Variants in HELLS observed in about 807,000 individuals in gnomAD.
HELLS encodes helicase, lymphoid specific, also known as lymphoid-specific helicase.
Under a neutral mutation model 120.0 loss-of-function variants are expected in HELLS, and 32 were observed. That is an observed-to-expected ratio of 0.27 (90% CI 0.20 to 0.36). HELLS has a LOEUF of 0.36. Among genes scored for constraint, HELLS ranks in the 10% least tolerant of loss-of-function variants. HELLS has a pLI of 1.00. For missense variants in HELLS, 650 were observed against 993.4 expected (o/e 0.65, Z 4.65); for synonymous variants, 341 against 323.4 (o/e 1.05, Z -0.58).
chr10:94,571,927 G>A (rs113637365), intron 7 of HELLS, among the ~76,000 whole-genome samples: 142 of 152,244 alleles, frequency 9.3e-4, no homozygotes, highest in African/African-American at 3.3e-3. Flanking sequence ...TTACAAGGTT[G>A]CCTAGGGAAG....
chr10:94,562,141 C>T (rs985267857), intron 4 of HELLS, among the ~76,000 whole-genome samples: 28 of 151,610 alleles, frequency 1.8e-4, no homozygotes, highest in African/African-American at 5.1e-4. Flanking sequence ...AGTGGCTCAA[C>T]GCCTGTAATC....
intron 9 of HELLS, among the ~76,000 whole-genome samples, chr10:94,575,771 TTGTGTGTG>T (rs71031588): frequency 0.17 from 20,308 of 121,622 alleles, 1,619 homozygotes; most frequent in South Asian, 0.24. Context: ...GGGGTTGTGT[TTGTGTGTG>T]TGTGTGTGTG....
intron 21 of HELLS, among the ~76,000 whole-genome samples, chr10:94,600,921 T>C (rs569352670): frequency 6.6e-6 from 1 of 152,218 alleles, no homozygotes; most frequent in African/African-American, 2.4e-5. Context: ...AGGAAGTGTT[T>C]AGGATATGCA....
chr10:94,576,879 A>G lies in HELLS; in HGVS notation c.1032+74A>G, dbSNP rs1288048075. On this transcript the variant is annotated intron_variant, in intron 10 of 21. Transcript: ENST00000348459. Reference sequence around the variant, plus strand: ...TCTTCATTTATATCACTTTCTCACCATCTGGGAGCATTTGTCTAATTTTTT... The same window carrying G: ...TCTTCATTTATATCACTTTCTCACCGTCTGGGAGCATTTGTCTAATTTTTT... The G allele has an allele frequency of 3.0e-6, 4 of 1,324,794 alleles. No homozygotes were observed. In the East Asian group the frequency reaches 9.3e-5, roughly 31 times the overall value. 82.1% of individuals were successfully genotyped at this position (1,324,794 alleles called of 1,614,324 possible). A position where few individuals can be genotyped will look rare whatever the true frequency, so the allele number is the denominator to read the frequency against.
At chr10:94,562,118 A>G (rs1209421669) in intron 4 of HELLS, among the ~76,000 whole-genome samples, 4 of 147,444 alleles carry the variant, frequency 2.7e-5, no homozygotes, top group Non-Finnish European at 6.0e-5. Flanking sequence ...AATGCCAACT[A>G]TGGGCTGGGT....
At chr10:94,551,023 A>G (rs572778489) in intron 2 of HELLS, 63 of 152,298 alleles carry the variant, frequency 4.1e-4, no homozygotes, top group African/African-American at 1.4e-3. Context: ...TGTGTAAGTA[A>G]TTTTCATCTC....
At chr10:94,592,867 G>A (rs1845560955) in intron 17 of HELLS, among the ~76,000 whole-genome samples, 1 of 149,300 alleles carries the variant, frequency 6.7e-6, no homozygotes, top group South Asian at 2.1e-4. Context: ...CTGTAAATCC[G>A]CCTACAATCT....
chr10:94,595,280 G>A (rs185486996), intron 19 of HELLS, among the ~76,000 whole-genome samples: 1 of 152,200 alleles, frequency 6.6e-6, no homozygotes, highest in Non-Finnish European at 1.5e-5. Flanking sequence ...AAGCAGTGGG[G>A]AATTTGGGAG....
intron 19 of HELLS, among the ~76,000 whole-genome samples, chr10:94,595,498 CTATT>C (rs1237726221): frequency 1.3e-5 from 2 of 152,130 alleles, no homozygotes; most frequent in African/African-American, 2.4e-5. Context: ...TATAAAAAAT[CTATT>C]TATTTATTGA....
In HELLS at chr10:94,601,587, A is replaced by C. The variant is rs200044983; in HGVS notation, c.2482A>C (p.Asn828His). The change falls in exon 22 of 22, where the codon AAT becomes CAT. Residue 828 changes from asparagine to histidine, a missense_variant. Coordinates refer to ENST00000348459, the MANE Select transcript of HELLS (RefSeq NM_018063.5). ...GATGGGGATATTCAAGATATTAGAA[A>C]ATTCTGAAGATTCCAGTCCTGAATG... ...EKMGIFKILE[N>H]SEDSSPECLF The C allele has an allele frequency of 6.3e-7, 1 of 1,587,122 alleles. No homozygotes were observed. The highest frequency in any genetic ancestry group is 8.6e-7 in the Non-Finnish European group (1 of 1,160,846).
intron 12 of HELLS, among the ~76,000 whole-genome samples, chr10:94,584,694 TTTTGATTGAACA>T (rs1241672088): frequency 6.6e-6 from 1 of 152,174 alleles, no homozygotes; most frequent in African/African-American, 2.4e-5. Flanking sequence ...ATCATCTGCC[TTTTGATTGAACA>T]TTTGTAGTAA....
intron 2 of HELLS, 82 bp from the exon 3 acceptor site, chr10:94,554,044 C>T: frequency 1.7e-6 from 2 of 1,148,628 alleles, no homozygotes; most frequent in South Asian, 1.6e-5. Flanking sequence ...GTTATTTTAG[C>T]CATTTTTATT....
downstream of HELLS, among the ~76,000 whole-genome samples, chr10:94,602,918 CT>C (rs1162464899): frequency 6.6e-6 from 1 of 152,142 alleles, no homozygotes; most frequent in Non-Finnish European, 1.5e-5. Flanking sequence ...CCAGTCTTTC[CT>C]GTTACATTGT....
At chr10:94,589,447 G>T (rs572006337) in intron 13 of HELLS, among the ~76,000 whole-genome samples, 3 of 152,114 alleles carry the variant, frequency 2.0e-5, no homozygotes, top group South Asian at 4.1e-4. Flanking sequence ...CTTACAGAAG[G>T]TTATTGATAA....
chr10:94,554,146 A>G lies in HELLS; in HGVS notation c.174A>G (p.Arg58=). ...MLEKARMSWD[R]ESTEIRYRRL... ...GATAGGCTCGCATGTCTTGGGATAG[A>G]GAGTCGACAGAAATTCGGTACCGTA... The change falls in exon 3 of 22, where the codon AGA becomes AGG. Residue 58 remains arginine, a synonymous_variant. Transcript: ENST00000348459. The G allele has an allele frequency of 6.3e-7, 1 of 1,584,426 alleles. No homozygotes were observed. The highest frequency in any genetic ancestry group is 1.2e-5 in the South Asian group (1 of 83,296).
chr10:94,601,449 A>G, intron 21 of HELLS, 79 bp from the exon 22 acceptor site: 1 of 784,284 alleles, frequency 1.3e-6, no homozygotes, highest in South Asian at 1.5e-5. Context: ...ACTTCTCATA[A>G]CATCATATTG....
chr10:94,569,013 T>C, intron 6 of HELLS, among the ~76,000 whole-genome samples: 1 of 152,008 alleles, frequency 6.6e-6, no homozygotes, highest in Non-Finnish European at 1.5e-5. Context: ...GGCTAATTTT[T>C]AGTTTTATCA....
chr10:94,594,969 C>T, intron 19 of HELLS, 115 bp downstream of exon 19: 1 of 750,500 alleles, frequency 1.3e-6, no homozygotes, highest in Non-Finnish European at 2.1e-6. Flanking sequence ...GTGTCTCACA[C>T]CTGTAATCCT....
chr10:94,590,084 C>T (rs776463834), intron 13 of HELLS, among the ~76,000 whole-genome samples: 1 of 152,118 alleles, frequency 6.6e-6, no homozygotes, highest in African/African-American at 2.4e-5. Flanking sequence ...TCATAATGAG[C>T]AGTTTCATGC....
Sources: allele counts gnomAD v4.1 joint callset (sites outside exome capture counted in the v4.1 genomes callset), GRCh38; gene constraint gnomAD v4.1.1; transcripts MANE v1.5; gene names NCBI Gene and HGNC (gene_info 2026-07-23, HGNC 2026-07-21).